Variants in SDK2 observed in about 807,000 individuals in gnomAD.
The protein encoded by SDK2 is protein sidekick-2.
SDK2 carries 105 observed loss-of-function variants against 253.9 expected under a neutral mutation model. That is an observed-to-expected ratio of 0.41 (90% CI 0.35 to 0.49). The LOEUF is 0.49. Ranked by LOEUF, SDK2 falls within the 20% of genes least tolerant of loss-of-function variation. The probability of loss-of-function intolerance (pLI) is 0.06; values close to 1 mark genes in which losing one functional copy is unlikely to be tolerated. For synonymous variants in SDK2, 1,249 were observed against 1,234.9 expected (o/e 1.01, Z -0.24); for missense variants, 2,608 against 3,003.0 (o/e 0.87, Z 3.07).
intron 3 of SDK2, among the ~76,000 whole-genome samples, chr17:73,463,146 G>A (rs2063575152): frequency 6.6e-6 from 1 of 152,172 alleles, no homozygotes; most frequent in Admixed American, 6.5e-5. Flanking sequence ...ACAGTTAAGG[G>A]CTTGCCACAC....
intron 1 of SDK2, among the ~76,000 whole-genome samples, chr17:73,596,704 G>C (rs1250011741): frequency 6.6e-6 from 1 of 152,052 alleles, no homozygotes; most frequent in Non-Finnish European, 1.5e-5. Flanking sequence ...CACAGGACAG[G>C]GTGGCTGGTT....
At chr17:73,545,099 G>GCACGCACACACACA (rs1555601161) in intron 1 of SDK2, among the ~76,000 whole-genome samples, 1 of 145,716 alleles carries the variant, frequency 6.9e-6, no homozygotes. Context: ...GCACGTGCAC[G>GCACGCACACACACA]CACACACACA....
In SDK2 at chr17:73,616,918, C is replaced by G. The variant is rs1220789549; in HGVS notation, c.64+27107G>C. 6.6e-6 allele frequency among the ~76,000 whole-genome samples: 1 copy of G among 151,886 alleles called. No individual in the cohort carries two copies. The highest frequency in any genetic ancestry group is 2.4e-5 in the African/African-American group (1 of 41,352). ...ACAAAGTGGGCGGAGAGACAGCTCTCCTAGGGAGAGCGGAGGTCTAGAAAA... is the reference window on the plus strand; with the variant it reads ...ACAAAGTGGGCGGAGAGACAGCTCTGCTAGGGAGAGCGGAGGTCTAGAAAA... On this transcript the variant is annotated intron_variant, in intron 1 of 44. Coordinates refer to ENST00000392650, the MANE Select transcript of SDK2 (RefSeq NM_001144952.2). The surrounding 1 kb of genome is among the most constrained non-coding windows in gnomAD (Gnocchi z 5.2).
chr17:73,465,437 ATGTGGTGAAACGCTGGC>A lies in SDK2; in HGVS notation c.331+6658_331+6674del, dbSNP rs1260964268. ...ACACAGAGGTGCCCTCAGGACCTGG[ATGTGGTGAAACGCTGGC>A]TGTGGTGAAACGCTGGCTCGAGGTC... On this transcript the variant is annotated intron_variant, in intron 3 of 44. Transcript: ENST00000392650. This position sits in a 1 kb window ranked among gnomAD's most constrained non-coding sequence, Gnocchi z 4.2. 1.3e-5 allele frequency among the ~76,000 whole-genome samples: 2 copies of A among 152,022 alleles called. No homozygotes were observed. Among genetic ancestry groups the A allele is most frequent in the Admixed American group, 1.3e-4 (2 of 15,264 alleles).
intron 1 of SDK2, among the ~76,000 whole-genome samples, chr17:73,613,973 T>C (rs2046014199): frequency 6.6e-6 from 1 of 152,158 alleles, no homozygotes; most frequent in South Asian, 2.1e-4. Context: ...ATCTAGCTAT[T>C]AAAACAAAAA....
intron 5 of SDK2, among the ~76,000 whole-genome samples, chr17:73,446,976 G>A (rs915678058): frequency 3.3e-5 from 5 of 152,266 alleles, no homozygotes; most frequent in Non-Finnish European, 7.4e-5. Context: ...CTGGACAAGC[G>A]TCTCTTTGCC....
chr17:73,581,956 G>T (rs1390794726), intron 1 of SDK2, among the ~76,000 whole-genome samples: 1 of 152,226 alleles, frequency 6.6e-6, no homozygotes, highest in African/African-American at 2.4e-5. Context: ...TCTGTCTGGA[G>T]CCTGGGCTCT....
At chr17:73,478,359 T>TC (rs2063700102) in intron 2 of SDK2, among the ~76,000 whole-genome samples, 1 of 152,152 alleles carries the variant, frequency 6.6e-6, no homozygotes, top group African/African-American at 2.4e-5. Context: ...ATTTGCTTTC[T>TC]CCCAGTTCAA....
At chr17:73,547,882 C>T (rs1436633717) in intron 1 of SDK2, among the ~76,000 whole-genome samples, 1 of 152,138 alleles carries the variant, frequency 6.6e-6, no homozygotes, top group African/African-American at 2.4e-5. Flanking sequence ...CTCACAGTTC[C>T]GCAGGCTTAC....
intron 3 of SDK2, 130 bp from the exon 4 acceptor site, chr17:73,456,183 G>A (rs2063524916): frequency 9.6e-7 from 1 of 1,044,970 alleles, no homozygotes. Flanking sequence ...AGGGAAGGAG[G>A]ACACCTTGCT....
intron 8 of SDK2, among the ~76,000 whole-genome samples, chr17:73,436,272 T>C (rs2063367772): frequency 7.1e-6 from 1 of 140,316 alleles, no homozygotes; most frequent in Non-Finnish European, 1.5e-5. Context: ...TGGCACATTG[T>C]TTTCATAAGT....
intron 18 of SDK2, among the ~76,000 whole-genome samples, chr17:73,408,153 G>A (rs912451548): frequency 5.5e-5 from 8 of 146,210 alleles, no homozygotes; most frequent in Non-Finnish European, 1.2e-4. Flanking sequence ...AAGAATTCAA[G>A]CAATTCTTCT....
chr17:73,366,350 G>A (rs1008565630), intron 37 of SDK2, among the ~76,000 whole-genome samples: 1 of 152,118 alleles, frequency 6.6e-6, no homozygotes, highest in African/African-American at 2.4e-5. Flanking sequence ...GACAGGAGGC[G>A]GACGGACAGA....
chr17:73,607,323 C>A (rs1428154510), intron 1 of SDK2, among the ~76,000 whole-genome samples: 1 of 152,172 alleles, frequency 6.6e-6, no homozygotes, highest in East Asian at 1.9e-4. Context: ...GCGATTGGCA[C>A]ATATCTTAGC....
chr17:73,557,803 A>G (rs1473059908), intron 1 of SDK2, among the ~76,000 whole-genome samples: 1 of 152,144 alleles, frequency 6.6e-6, no homozygotes, highest in East Asian at 1.9e-4. Context: ...TTCCTTTCCC[A>G]TTAACAGGAG....
chr17:73,602,836 C>T (rs539434590), intron 1 of SDK2, among the ~76,000 whole-genome samples: 3 of 152,162 alleles, frequency 2.0e-5, no homozygotes, highest in South Asian at 4.2e-4. Flanking sequence ...AAGTGATTGT[C>T]GTGCCTCAGC....
intron 1 of SDK2, among the ~76,000 whole-genome samples, chr17:73,587,759 T>A (rs2045622037): frequency 6.6e-6 from 1 of 152,250 alleles, no homozygotes; most frequent in African/African-American, 2.4e-5. Context: ...TCTCTGGATC[T>A]GGCTCATTAC....
At chr17:73,473,656 CT>C (rs2063667365) in intron 2 of SDK2, among the ~76,000 whole-genome samples, 1 of 152,224 alleles carries the variant, frequency 6.6e-6, no homozygotes, top group East Asian at 1.9e-4. Flanking sequence ...ACAACCACCC[CT>C]TCCGGAGCAC....
chr17:73,355,210 T>C lies in SDK2; in HGVS notation c.5594-2573A>G, dbSNP rs1464493107. ...TTTTTTTTTTTAGACGGAGTCTCAC[T>C]CTGTCGCCCAGGCTGGAGTGTGATG... On this transcript the variant is annotated intron_variant, in intron 40 of 44. Transcript: ENST00000392650. Among the ~76,000 whole-genome samples the C allele has an allele frequency of 1.9e-4, 22 of 116,574 alleles. No individual in the cohort carries two copies. In the East Asian group the frequency reaches 4.2e-3, roughly 22 times the overall value. 76.5% of individuals were successfully genotyped at this position (116,574 alleles called of 152,430 possible).
Sources: allele counts gnomAD v4.1 joint callset (sites outside exome capture counted in the v4.1 genomes callset), GRCh38; gene constraint gnomAD v4.1.1; non-coding constraint Gnocchi (gnomAD v3.1); transcripts MANE v1.5; gene names NCBI Gene and HGNC (gene_info 2026-07-23, HGNC 2026-07-21).